The following KCNH5 variants were observed in gnomAD, a reference collection of about 807,000 sequenced individuals.
KCNH5 encodes the protein potassium voltage-gated channel subfamily H member 5, also known as voltage-gated delayed rectifier potassium channel KCNH5.
Under a neutral mutation model 96.1 loss-of-function variants are expected in KCNH5, and 46 were observed. The ratio of observed to expected loss-of-function variants is 0.48; its 90% CI spans 0.38 to 0.61. The LOEUF is 0.61. Among genes scored for constraint, KCNH5 ranks in the 20% least tolerant of loss-of-function variants. The pLI, the probability that KCNH5 is intolerant of heterozygous loss-of-function variation, is 0.00. For synonymous variants in KCNH5, 439 were observed against 449.8 expected (o/e 0.98, Z 0.30); for missense variants, 907 against 1,225.8 (o/e 0.74, Z 3.88).
intron 7 of KCNH5, among the ~76,000 whole-genome samples, chr14:62,929,307 A>C (rs1440510262): frequency 2.0e-5 from 3 of 152,040 alleles, no homozygotes; most frequent in African/African-American, 7.2e-5. Flanking sequence ...ATCTTGGCCC[A>C]AACCAACATC....
At chr14:62,908,156 G>T (rs539780997) in intron 7 of KCNH5, among the ~76,000 whole-genome samples, 1 of 152,176 alleles carries the variant, frequency 6.6e-6, no homozygotes, top group South Asian at 2.1e-4. Flanking sequence ...GACCAAAAAA[G>T]GGGAAAAAAA....
chr14:62,818,435 G>A (rs909516801), intron 8 of KCNH5, among the ~76,000 whole-genome samples: 2 of 152,036 alleles, frequency 1.3e-5, no homozygotes, highest in Non-Finnish European at 2.9e-5. Flanking sequence ...AAACCATTAA[G>A]TATGAAAAAG....
In KCNH5 at chr14:62,717,037, T is replaced by G. The variant is rs956881282; in HGVS notation, c.2020-8582A>C. ...GAAAATGAAATTAAGAAAATAATGTTATTGACAATAGCTTCAAGGAGAATA... is the reference window on the plus strand; with the variant it reads ...GAAAATGAAATTAAGAAAATAATGTGATTGACAATAGCTTCAAGGAGAATA... On this transcript the variant is annotated intron_variant, in intron 10 of 10. Coordinates refer to ENST00000322893, the MANE Select transcript of KCNH5 (RefSeq NM_139318.5). Among the ~76,000 whole-genome samples, 3 of 152,112 alleles carry G rather than the reference T, an allele frequency of 2.0e-5. No homozygotes were observed. In the East Asian group the frequency reaches 5.8e-4, roughly 29 times the overall value.
At chr14:62,788,781 T>G (rs1360291334) in intron 9 of KCNH5, among the ~76,000 whole-genome samples, 1 of 152,150 alleles carries the variant, frequency 6.6e-6, no homozygotes, top group Non-Finnish European at 1.5e-5. Flanking sequence ...TAGCATATTT[T>G]AACAATAAAA....
chr14:62,786,736 A>C (rs545644055), intron 9 of KCNH5, among the ~76,000 whole-genome samples: 1 of 152,264 alleles, frequency 6.6e-6, no homozygotes, highest in East Asian at 1.9e-4. Context: ...TCATTTTGGT[A>C]ATTCTCACAG....
intron 10 of KCNH5, among the ~76,000 whole-genome samples, chr14:62,760,272 C>T (rs993573340): frequency 6.6e-6 from 1 of 152,134 alleles, no homozygotes; most frequent in African/African-American, 2.4e-5. Context: ...TCATGGGAAA[C>T]TAACTTTCAA....
intron 7 of KCNH5, among the ~76,000 whole-genome samples, chr14:62,930,379 G>A (rs535284167): frequency 6.6e-6 from 1 of 152,192 alleles, no homozygotes; most frequent in Admixed American, 6.6e-5. Flanking sequence ...ACAACAGGGA[G>A]ACATTTTATT....
intron 7 of KCNH5, among the ~76,000 whole-genome samples, chr14:62,873,106 C>T (rs1237601161): frequency 4.5e-4 from 65 of 144,128 alleles, no homozygotes; most frequent in Admixed American, 9.0e-4. Flanking sequence ...GCCAAGATCG[C>T]GCCACTGCAC....
rs891443213 is a variant in KCNH5 at position 62,802,987 on chromosome 14, C to CA, written c.1570-407dup. The stretch of plus-strand genomic sequence containing the variant: ...TGAAACCCTGTCTCTACTAAAAAGA[C>CA]AAAAAAAACAAAAATTAGCTGGCCG... On this transcript the variant is annotated intron_variant, in intron 8 of 10. Coordinates refer to ENST00000322893, the MANE Select transcript of KCNH5 (RefSeq NM_139318.5). Among the ~76,000 whole-genome samples, 35 of 151,428 alleles carry CA rather than the reference C, an allele frequency of 2.3e-4. No individual in the cohort carries two copies. In the East Asian group the frequency reaches 2.3e-3, roughly 10 times the overall value.
chr14:62,909,836 C>G (rs1332624781), intron 7 of KCNH5, among the ~76,000 whole-genome samples: 1 of 152,146 alleles, frequency 6.6e-6, no homozygotes, highest in East Asian at 1.9e-4. Context: ...ACAAACCCCC[C>G]AAACACACTC....
At chr14:62,768,195 C>T (rs967447101) in intron 10 of KCNH5, among the ~76,000 whole-genome samples, 6 of 147,866 alleles carry the variant, frequency 4.1e-5, no homozygotes, top group African/African-American at 1.5e-4. Context: ...CACTCGAACC[C>T]CTTAAATTTA....
intron 7 of KCNH5, among the ~76,000 whole-genome samples, chr14:62,884,180 C>A (rs1285252895): frequency 1.3e-5 from 2 of 152,120 alleles, no homozygotes; most frequent in Non-Finnish European, 2.9e-5. Flanking sequence ...TCAAAAAATT[C>A]TATTTAACCC....
intron 7 of KCNH5, among the ~76,000 whole-genome samples, chr14:62,890,088 G>A (rs1272411447): frequency 6.6e-6 from 1 of 152,104 alleles, no homozygotes; most frequent in Non-Finnish European, 1.5e-5. Flanking sequence ...ATGCAAGATG[G>A]ATTAAAGATG....
At chr14:62,856,691 T>C (rs1253698094) in intron 7 of KCNH5, among the ~76,000 whole-genome samples, 8 of 152,140 alleles carry the variant, frequency 5.3e-5, no homozygotes, top group Admixed American at 4.6e-4. Flanking sequence ...TCTCTCATAA[T>C]GGCTCCTGGC....
intron 8 of KCNH5, among the ~76,000 whole-genome samples, chr14:62,813,100 C>T (rs1173450143): frequency 2.0e-5 from 3 of 152,144 alleles, no homozygotes; most frequent in East Asian, 3.9e-4. Context: ...AGGTAAAATG[C>T]CAAAACATCT....
At chr14:62,760,568 A>C (rs1241785168) in intron 10 of KCNH5, among the ~76,000 whole-genome samples, 2 of 152,254 alleles carry the variant, frequency 1.3e-5, no homozygotes, top group Non-Finnish European at 2.9e-5. Flanking sequence ...CTAGAGGACA[A>C]AAGTGTGAAC....
intron 10 of KCNH5, among the ~76,000 whole-genome samples, chr14:62,735,324 G>T (rs1420061643): frequency 3.9e-5 from 6 of 152,092 alleles, no homozygotes; most frequent in Non-Finnish European, 1.5e-5. Context: ...TAGTAGCCCT[G>T]GTTATAGGGC....
In KCNH5 at chr14:62,974,295, ACAGCGTGTTAT is replaced by A. The variant is rs760937512; in HGVS notation, c.942+6566_942+6576del. Among the ~76,000 whole-genome samples the A allele has an allele frequency of 7.8e-4, 118 of 152,090 alleles. 1 individual carries two copies. Among genetic ancestry groups the A allele is most frequent in the Middle Eastern group, 6.3e-3 (2 of 316 alleles). On this transcript the variant is annotated intron_variant, in intron 6 of 10. Transcript: ENST00000322893. The stretch of plus-strand genomic sequence containing the variant: ...TTCCTGAATCCTCCTATGCTACCAA[ACAGCGTGTTAT>A]CTGCAGCTGCTCCATCTTTGATGAT...
intron 8 of KCNH5, among the ~76,000 whole-genome samples, chr14:62,847,912 A>G (rs151280265): frequency 2.6e-5 from 4 of 152,308 alleles, no homozygotes; most frequent in African/African-American, 9.6e-5. Context: ...ATCAGACCCT[A>G]ACTCCATCTT....
Sources: gnomAD v4.1 joint callset for allele counts (sites outside exome capture counted in the v4.1 genomes callset) on GRCh38, gnomAD v4.1.1 for gene constraint, MANE v1.5 for transcripts, NCBI Gene and HGNC (gene_info 2026-07-23, HGNC 2026-07-21) for gene names.